Variants in LUZP2 observed in about 807,000 individuals in gnomAD.
LUZP2 encodes the protein leucine zipper protein 2.
Under a neutral mutation model 51.6 loss-of-function variants are expected in LUZP2, and 52 were observed. That is an observed-to-expected ratio of 1.01 (90% confidence interval 0.81 to 1.27). The LOEUF (loss-of-function observed/expected upper bound fraction) is 1.27. Ranked by LOEUF, LUZP2 falls within the 50% of genes most tolerant of loss-of-function variation. The pLI is 0.00. For synonymous variants in LUZP2, 154 were observed against 137.3 expected (o/e 1.12, Z -0.85); for missense variants, 436 against 395.4 (o/e 1.10, Z -0.87).
At chr11:24,645,583 A>C (rs1855438277) in intron 1 of LUZP2, among the ~76,000 whole-genome samples, 1 of 152,142 alleles carries the variant, frequency 6.6e-6, no homozygotes. Context: ...TTCTAAAACA[A>C]ACAGAGGCAT....
chr11:25,033,651 T>C (rs1272309509), intron 9 of LUZP2, among the ~76,000 whole-genome samples: 1 of 152,262 alleles, frequency 6.6e-6, no homozygotes, highest in Non-Finnish European at 1.5e-5. Flanking sequence ...GGTTAGCTCC[T>C]ACTTATAAGT....
intron 5 of LUZP2, among the ~76,000 whole-genome samples, chr11:24,839,238 G>T (rs2134196073): frequency 6.6e-6 from 1 of 151,644 alleles, no homozygotes; most frequent in East Asian, 1.9e-4. Context: ...CCCCATATGT[G>T]TATTTCCCTA....
intron 5 of LUZP2, among the ~76,000 whole-genome samples, chr11:24,784,610 GCAAGGGAAGTGTCTTTCC>G (rs1849186563): frequency 6.6e-6 from 1 of 151,772 alleles, no homozygotes; most frequent in South Asian, 2.1e-4. Context: ...TGTTTGTTTT[GCAAGGGAAGTGTCTTTCC>G]CAAATGCTAT....
chr11:24,546,941 TTTG>T (rs1033212527), intron 1 of LUZP2, among the ~76,000 whole-genome samples: 8 of 149,810 alleles, frequency 5.3e-5, no homozygotes, highest in African/African-American at 2.0e-4. Context: ...TGTGTGTGTT[TTTG>T]TTGTTGTTGT....
At chr11:24,926,327 GTA>G (rs36155478) in intron 7 of LUZP2, among the ~76,000 whole-genome samples, 2,798 of 35,472 alleles carry the variant, frequency 0.079, 411 homozygotes, top group African/African-American at 0.24. Context: ...ATACGTGTGT[GTA>G]TATATATATA....
chr11:24,938,128 A>G (rs918715287), intron 7 of LUZP2, among the ~76,000 whole-genome samples: 6 of 152,144 alleles, frequency 3.9e-5, no homozygotes, highest in African/African-American at 1.2e-4. Context: ...CCCAAATAAC[A>G]TTCTTGAGAA....
At chr11:24,848,968 A>AGCAAAAC (rs1203691956) in intron 5 of LUZP2, among the ~76,000 whole-genome samples, 3 of 152,146 alleles carry the variant, frequency 2.0e-5, no homozygotes, top group African/African-American at 7.2e-5. Flanking sequence ...ACAAACCCAC[A>AGCAAAAC]GCAAAACCCA....
At position 25,082,230 on chromosome 11, in the gene LUZP2, C is replaced by T. The variant is rs564596974; in HGVS notation, c.*3572C>T. 3.3e-5 allele frequency: 5 copies of T among 152,674 alleles called. No individual in the cohort carries two copies. The highest frequency in any genetic ancestry group is 1.2e-4 in the African/African-American group (5 of 41,580). The allele number at this position is 152,674 out of a possible 1,614,324, so 9.5% of individuals were successfully genotyped here. A position where few individuals can be genotyped will look rare whatever the true frequency, so the allele number is the denominator to read the frequency against. On this transcript the variant is annotated 3_prime_UTR_variant, in exon 12 of 12. Coordinates refer to ENST00000336930, the MANE Select transcript of LUZP2 (RefSeq NM_001009909.4). ...TGCTGTTTCAGATACAGATCTGTTT[C>T]ATCAAATATCCTCAATTACAAGTCT...
intron 9 of LUZP2, among the ~76,000 whole-genome samples, chr11:25,025,406 G>A (rs985060542): frequency 6.6e-6 from 1 of 151,900 alleles, no homozygotes; most frequent in African/African-American, 2.4e-5. Flanking sequence ...TCTGACAAAG[G>A]GCTAATATCC....
Position 24,919,412 on chromosome 11 carries a change from G to A in LUZP2, c.522+4874G>A, listed in dbSNP as rs867532721. Among the ~76,000 whole-genome samples, 211 of 65,306 alleles carry A rather than the reference G, an allele frequency of 3.2e-3. 34 individuals carry two copies. The highest frequency in any genetic ancestry group is 0.015 in the African/African-American group (197 of 12,934). The allele number at this position is 65,306 out of a possible 152,430, so 42.8% of individuals were successfully genotyped here. A position where few individuals can be genotyped will look rare whatever the true frequency, so the allele number is the denominator to read the frequency against. On this transcript the variant is annotated intron_variant, in intron 7 of 11. Transcript: ENST00000336930. ...ATAATATATGTTATATATTATATAT[G>A]ACATATATTGATAATATATGTTATA...
At chr11:24,587,059 T>C (rs1219945806) in intron 1 of LUZP2, among the ~76,000 whole-genome samples, 2 of 152,148 alleles carry the variant, frequency 1.3e-5, no homozygotes, top group Admixed American at 1.3e-4. Context: ...AAACAATTTT[T>C]ATTATGACTA....
chr11:24,867,107 G>C (rs981784691), intron 5 of LUZP2, among the ~76,000 whole-genome samples: 12 of 152,220 alleles, frequency 7.9e-5, no homozygotes, highest in Non-Finnish European at 1.6e-4. Context: ...ATGGACCAGA[G>C]TCTTTCTTCT....
At chr11:24,880,303 A>G (rs1363980967) in intron 5 of LUZP2, among the ~76,000 whole-genome samples, 1 of 152,102 alleles carries the variant, frequency 6.6e-6, no homozygotes, top group Non-Finnish European at 1.5e-5. Flanking sequence ...TCTCCACGCC[A>G]TGAGGCTGCT....
chr11:25,039,401 G>T (rs572126788), intron 9 of LUZP2, among the ~76,000 whole-genome samples: 1 of 152,152 alleles, frequency 6.6e-6, no homozygotes, highest in African/African-American at 2.4e-5. Flanking sequence ...GGCCCTAGGT[G>T]GTACTGGTAG....
chr11:25,040,203 C>A (rs11028376), intron 9 of LUZP2, among the ~76,000 whole-genome samples: 2 of 151,828 alleles, frequency 1.3e-5, no homozygotes, highest in Non-Finnish European at 2.9e-5. Context: ...ATTTTCATGC[C>A]CATTAAATGT....
chr11:24,835,231 G>T (rs1227244874), intron 5 of LUZP2, among the ~76,000 whole-genome samples: 1 of 152,076 alleles, frequency 6.6e-6, no homozygotes, highest in Admixed American at 6.6e-5. Context: ...TTTAATAAAT[G>T]GTACTGAGAA....
intron 1 of LUZP2, among the ~76,000 whole-genome samples, chr11:24,516,557 T>C (rs959558509): frequency 6.6e-6 from 1 of 152,226 alleles, no homozygotes; most frequent in Admixed American, 6.5e-5. Context: ...AAGTTTGTTT[T>C]CTTTTTTGTG....
At chr11:24,789,079 T>A (rs990907193) in intron 5 of LUZP2, among the ~76,000 whole-genome samples, 3 of 152,198 alleles carry the variant, frequency 2.0e-5, no homozygotes, top group Admixed American at 6.5e-5. Flanking sequence ...CCATGCTGCA[T>A]AGTGTTCATG....
At chr11:24,908,637 G>A (rs775049839) in intron 6 of LUZP2, among the ~76,000 whole-genome samples, 17 of 151,900 alleles carry the variant, frequency 1.1e-4, no homozygotes, top group Non-Finnish European at 1.9e-4. Flanking sequence ...TGTTAGCTGG[G>A]TTTTGAATTA....
Sources: gnomAD v4.1 joint callset for allele counts (sites outside exome capture counted in the v4.1 genomes callset) on GRCh38, gnomAD v4.1.1 for gene constraint, MANE v1.5 for transcripts, NCBI Gene and HGNC (gene_info 2026-07-23, HGNC 2026-07-21) for gene names.